The following DGKB variants were observed in gnomAD, a reference collection of about 807,000 sequenced individuals.
The protein encoded by DGKB is diacylglycerol kinase beta, also known as 90 kDa diacylglycerol kinase.
DGKB carries 67 observed loss-of-function variants against 114.3 expected under a neutral mutation model. The ratio of observed to expected loss-of-function variants is 0.59; its 90% CI spans 0.48 to 0.72. DGKB has a LOEUF of 0.72. Among genes scored for constraint, DGKB ranks in the 30% least tolerant of loss-of-function variants. The pLI is 0.00. For synonymous variants in DGKB, 398 were observed against 323.1 expected (o/e 1.23, Z -2.49); for missense variants, 907 against 975.2 (o/e 0.93, Z 0.93).
chr7:14,621,477 C>G lies in DGKB; in HGVS notation c.1185G>C (p.Val395=). 3.1e-6 allele frequency: 5 copies of G among 1,605,106 alleles called. No individual in the cohort carries two copies. The highest frequency in any genetic ancestry group is 2.6e-6 in the Non-Finnish European group (3 of 1,175,230). The change falls in exon 15 of 26, where the codon GTG becomes GTC. Residue 395 remains valine (V), a synonymous_variant. Transcript: ENST00000402815. ...VSVPEERQST[V]KKEKSGSQQP... The stretch of plus-strand genomic sequence containing the variant: ...GCTGGGAACCACTCTTTTCCTTTTT[C>G]ACTGTTGATTGTCTTTCCTGTAAAA...
intron 23 of DGKB, among the ~76,000 whole-genome samples, chr7:14,260,916 T>C (rs905268740): frequency 2.6e-5 from 4 of 152,144 alleles, no homozygotes; most frequent in African/African-American, 9.7e-5. Flanking sequence ...TTATGATTGG[T>C]TATACATTTA....
intron 23 of DGKB, among the ~76,000 whole-genome samples, chr7:14,324,691 T>C (rs1808423163): frequency 6.6e-6 from 1 of 152,092 alleles, no homozygotes; most frequent in Non-Finnish European, 1.5e-5. Flanking sequence ...TTTAACCCTG[T>C]GATGTTTTCC....
intron 13 of DGKB, among the ~76,000 whole-genome samples, chr7:14,671,550 T>C (rs1395540560): frequency 1.3e-5 from 2 of 152,156 alleles, no homozygotes; most frequent in Non-Finnish European, 2.9e-5. Flanking sequence ...CATTTGATTC[T>C]CTCAAAAAAA....
At chr7:14,161,081 T>C (rs907698221) in intron 25 of DGKB, among the ~76,000 whole-genome samples, 5 of 152,170 alleles carry the variant, frequency 3.3e-5, no homozygotes, top group African/African-American at 1.2e-4. Context: ...TCACTGGTCA[T>C]TAGAGAAATG....
At chr7:14,786,791 C>T (rs922164203) in intron 2 of DGKB, among the ~76,000 whole-genome samples, 8 of 152,328 alleles carry the variant, frequency 5.3e-5, no homozygotes, top group Admixed American at 2.6e-4. Flanking sequence ...CCAATGAGCA[C>T]GGCAGGGAAG....
intron 2 of DGKB, among the ~76,000 whole-genome samples, chr7:14,815,472 A>G (rs764951609): frequency 1.3e-5 from 2 of 152,232 alleles, no homozygotes; most frequent in Admixed American, 6.5e-5. Flanking sequence ...ATGCCAAAAG[A>G]TGAGATACAG....
At chr7:14,184,304 G>A (rs1783073771) in intron 23 of DGKB, among the ~76,000 whole-genome samples, 1 of 152,292 alleles carries the variant, frequency 6.6e-6, no homozygotes, top group Non-Finnish European at 1.5e-5. Context: ...CTAGAACTCA[G>A]GAGAGGGCGC....
At chr7:14,554,845 AT>A (rs1379468866) in intron 20 of DGKB, among the ~76,000 whole-genome samples, 1 of 152,070 alleles carries the variant, frequency 6.6e-6, no homozygotes, top group Admixed American at 6.5e-5. Context: ...TTACATGCTT[AT>A]TTTTTAAACT....
Position 14,513,024 on chromosome 7 carries a change from C to T in DGKB, c.1771-34799G>A, listed in dbSNP as rs73682418. 5.7e-3 allele frequency among the ~76,000 whole-genome samples: 872 copies of T among 151,956 alleles called. 5 individuals are homozygous for T. Among genetic ancestry groups the T allele is most frequent in the African/African-American group, 0.02 (817 of 41,476 alleles). On this transcript the variant is annotated intron_variant, in intron 20 of 25. Coordinates refer to ENST00000402815, the MANE Select transcript of DGKB (RefSeq NM_001350709.2). ...ATACAAAGAAGATATGGCATGTAGC[C>T]AAAAGAAAATTCCTCCTTGGTACAA... is the stretch of plus-strand genomic sequence containing the variant.
intron 23 of DGKB, among the ~76,000 whole-genome samples, chr7:14,229,820 G>A (rs374952009): frequency 9.2e-5 from 14 of 151,870 alleles, no homozygotes; most frequent in East Asian, 5.8e-4. Context: ...GATATATTCC[G>A]TCCATGCCAA....
intron 21 of DGKB, among the ~76,000 whole-genome samples, chr7:14,387,759 G>C (rs1036454572): frequency 6.6e-6 from 1 of 151,908 alleles, no homozygotes; most frequent in Non-Finnish European, 1.5e-5. Context: ...TGGGTCATCA[G>C]TCATATTACT....
At chr7:14,577,529 A>G (rs1037431673) in intron 19 of DGKB, among the ~76,000 whole-genome samples, 6 of 152,098 alleles carry the variant, frequency 3.9e-5, no homozygotes, top group Middle Eastern at 3.2e-3. Context: ...AGGCAGGAGA[A>G]TGGCGTGAAC....
intron 25 of DGKB, among the ~76,000 whole-genome samples, chr7:14,156,840 G>A (rs1264129094): frequency 1.3e-5 from 2 of 152,108 alleles, no homozygotes; most frequent in Admixed American, 6.6e-5. Context: ...AAATCATTCT[G>A]TGGAAATTCT....
At chr7:14,407,950 G>C (rs1293616267) in intron 21 of DGKB, among the ~76,000 whole-genome samples, 5 of 152,052 alleles carry the variant, frequency 3.3e-5, no homozygotes, top group Non-Finnish European at 7.4e-5. Context: ...AGTCTGGATA[G>C]GGCATAAGGC....
chr7:14,714,137 G>A (rs907646547), intron 6 of DGKB, among the ~76,000 whole-genome samples: 3 of 151,294 alleles, frequency 2.0e-5, no homozygotes, highest in Non-Finnish European at 4.4e-5. Flanking sequence ...GTACAAAAGA[G>A]AGCAAAATAA....
chr7:14,492,000 C>T (rs889283102), intron 20 of DGKB, among the ~76,000 whole-genome samples: 2 of 151,888 alleles, frequency 1.3e-5, no homozygotes, highest in African/African-American at 4.8e-5. Context: ...TAACACTAAA[C>T]TAGTATTTGA....
At chr7:14,208,768 C>G (rs1278769730) in intron 23 of DGKB, among the ~76,000 whole-genome samples, 4 of 151,866 alleles carry the variant, frequency 2.6e-5, no homozygotes, top group Non-Finnish European at 5.9e-5. Context: ...GCCTCTGTAT[C>G]TAGCTTGATT....
At chr7:14,302,664 A>C (rs1658504696) in intron 23 of DGKB, among the ~76,000 whole-genome samples, 1 of 151,908 alleles carries the variant, frequency 6.6e-6, no homozygotes, top group South Asian at 2.1e-4. Context: ...ATTGTTTCCC[A>C]ATCCTTCAGC....
At chr7:14,835,579 T>A (rs1847037925) in intron 2 of DGKB, among the ~76,000 whole-genome samples, 2 of 152,198 alleles carry the variant, frequency 1.3e-5, no homozygotes, top group South Asian at 4.1e-4. Context: ...AACACAGGGC[T>A]CAGGACAGAA....
Sources: allele counts gnomAD v4.1 joint callset (sites outside exome capture counted in the v4.1 genomes callset), GRCh38; gene constraint gnomAD v4.1.1; transcripts MANE v1.5; gene names NCBI Gene and HGNC (gene_info 2026-07-23, HGNC 2026-07-21).